CUL1: variants seen among roughly 807,000 people sequenced by gnomAD.
CUL1 encodes cullin-1.
Under a neutral mutation model 118.0 loss-of-function variants are expected in CUL1, and 24 were observed. The ratio of observed to expected loss-of-function variants is 0.20; its 90% CI spans 0.15 to 0.29. The LOEUF is 0.29. CUL1 is among the 10% of genes least tolerant of loss of function. CUL1 has a pLI of 1.00. For missense variants in CUL1, 361 were observed against 933.8 expected, an observed-to-expected ratio of 0.39 and a Z score of 7.99; for synonymous variants, 332 against 340.4, an observed-to-expected ratio of 0.98 and a Z score of 0.27.
intron 14 of CUL1, 95 bp downstream of exon 14, chr7:148,788,769 T>C: frequency 1.2e-6 from 1 of 803,086 alleles, no homozygotes; most frequent in Non-Finnish European, 2.0e-6. Context: ...TGGGAGGGGC[T>C]TTGTCAGAAA....
intron 9 of CUL1, among the ~76,000 whole-genome samples, chr7:148,779,408 G>A (rs1186660017): frequency 6.6e-6 from 1 of 152,070 alleles, no homozygotes; most frequent in Non-Finnish European, 1.5e-5. Flanking sequence ...GGGCAGCCTC[G>A]GCCTATCTTG....
intron 1 of CUL1, among the ~76,000 whole-genome samples, chr7:148,699,756 C>CA (rs891770600): frequency 6.6e-6 from 1 of 152,088 alleles, no homozygotes; most frequent in African/African-American, 2.4e-5. Context: ...ACAGAGCCCC[C>CA]CGGCGCCCGC....
At chr7:148,784,211 A>T in intron 11 of CUL1, 134 bp downstream of exon 11, 1 of 712,920 alleles carries the variant, frequency 1.4e-6, no homozygotes, top group Non-Finnish European at 2.4e-6. Flanking sequence ...ATGCTTAAAC[A>T]TAATCGTCCT....
intron 2 of CUL1, among the ~76,000 whole-genome samples, chr7:148,753,581 A>G (rs1563159640): frequency 6.6e-6 from 1 of 152,258 alleles, no homozygotes; most frequent in Non-Finnish European, 1.5e-5. Flanking sequence ...AAAAAGTTAC[A>G]GCTGAGCATC....
At chr7:148,731,914 T>G (rs1302771267) in intron 2 of CUL1, among the ~76,000 whole-genome samples, 1 of 152,218 alleles carries the variant, frequency 6.6e-6, no homozygotes, top group Non-Finnish European at 1.5e-5. Context: ...GTTTGCCCAT[T>G]GATCAATGAT....
chr7:148,770,801 A>G (rs954812558), intron 9 of CUL1, among the ~76,000 whole-genome samples: 5 of 152,202 alleles, frequency 3.3e-5, no homozygotes, highest in Non-Finnish European at 7.3e-5. Context: ...AAAAACAAAT[A>G]CTTTTAAATA....
intron 2 of CUL1, among the ~76,000 whole-genome samples, chr7:148,741,051 T>C (rs1414641758): frequency 6.6e-6 from 1 of 152,250 alleles, no homozygotes; most frequent in Non-Finnish European, 1.5e-5. Context: ...GTATAATGTT[T>C]TCTAACTTCA....
chr7:148,748,962 G>A (rs889531748), intron 2 of CUL1, among the ~76,000 whole-genome samples: 13 of 152,334 alleles, frequency 8.5e-5, no homozygotes, highest in Admixed American at 5.9e-4. Context: ...TTGATGTGAT[G>A]CAGCCAAGTG....
chr7:148,764,338 C>A (rs1799934053), intron 7 of CUL1, among the ~76,000 whole-genome samples: 1 of 152,142 alleles, frequency 6.6e-6, no homozygotes, highest in African/African-American at 2.4e-5. Context: ...AAATGGCTGT[C>A]CTTTCTGAAA....
intron 2 of CUL1, among the ~76,000 whole-genome samples, chr7:148,748,288 G>C (rs994359268): frequency 1.1e-4 from 17 of 152,060 alleles, no homozygotes; most frequent in African/African-American, 4.1e-4. Context: ...CAATTATGCT[G>C]TGGTGATTTA....
At chr7:148,791,270 G>A (rs1291730228) in intron 16 of CUL1, among the ~76,000 whole-genome samples, 6 of 152,220 alleles carry the variant, frequency 3.9e-5, no homozygotes, top group Non-Finnish European at 5.9e-5. Context: ...GTTTTCACCA[G>A]TGAGTTTCTA....
chr7:148,794,441 T>C (rs1050337623), intron 17 of CUL1, among the ~76,000 whole-genome samples: 1 of 152,218 alleles, frequency 6.6e-6, no homozygotes, highest in African/African-American at 2.4e-5. Context: ...ATATCTTTAC[T>C]ATGCCAGTAT....
intron 17 of CUL1, among the ~76,000 whole-genome samples, chr7:148,795,442 T>A (rs2129463574): frequency 6.6e-6 from 1 of 152,074 alleles, no homozygotes; most frequent in East Asian, 2.0e-4. Flanking sequence ...CTGTTCCACT[T>A]TCTGATTGCT....
chr7:148,730,929 A>G (rs1306701019), intron 2 of CUL1, among the ~76,000 whole-genome samples: 2 of 152,054 alleles, frequency 1.3e-5, no homozygotes, highest in African/African-American at 4.8e-5. Context: ...CTCCCATCTC[A>G]GCCTCCCAAG....
intron 9 of CUL1, chr7:148,783,397 C>T (rs1800712343): frequency 1.0e-6 from 1 of 985,502 alleles, no homozygotes; most frequent in Non-Finnish European, 1.2e-6. Context: ...TGATGACCGA[C>T]CTCGGCGGCT....
chr7:148,757,179 ATTTGTTTTTGTT>A (rs748860151), intron 4 of CUL1, 29 bp downstream of exon 4: 1 of 1,389,062 alleles, frequency 7.2e-7, no homozygotes, highest in Non-Finnish European at 9.5e-7. Context: ...AACGTTTTAA[ATTTGTTTTTGTT>A]TTTGTTTTTT....
Position 148,746,541 on chromosome 7 carries a change from T to C in CUL1, c.141-7435T>C, listed in dbSNP as rs559202877. On this transcript the variant is annotated intron_variant, in intron 2 of 21. Coordinates refer to ENST00000325222, the MANE Select transcript of CUL1 (RefSeq NM_003592.3). ...GCCTTGGACTACTACTAAGGAGTGC[T>C]AACATACTTAGTGGCTCGGAGGACA... Among the ~76,000 whole-genome samples the C allele has an allele frequency of 2.6e-5, 4 of 152,320 alleles. No homozygotes were observed. The South Asian group carries it at 8.3e-4, about 32-fold the overall frequency.
chr7:148,757,853 A>G (rs1563160837), intron 4 of CUL1, among the ~76,000 whole-genome samples: 1 of 152,232 alleles, frequency 6.6e-6, no homozygotes, highest in Non-Finnish European at 1.5e-5. Context: ...GAAACCCCTT[A>G]TAAAACCATC....
intron 8 of CUL1, among the ~76,000 whole-genome samples, chr7:148,767,020 CTG>C (rs1800028569): frequency 6.6e-6 from 1 of 152,160 alleles, no homozygotes; most frequent in Non-Finnish European, 1.5e-5. Flanking sequence ...GATGAGGAGA[CTG>C]TCATCTTATA....
Sources: allele counts gnomAD v4.1 joint callset (sites outside exome capture counted in the v4.1 genomes callset), GRCh38; gene constraint gnomAD v4.1.1; transcripts MANE v1.5; gene names NCBI Gene and HGNC (gene_info 2026-07-23, HGNC 2026-07-21).